The following CLPX variants were observed in gnomAD, a reference collection of about 807,000 sequenced individuals.
CLPX encodes caseinolytic mitochondrial matrix peptidase chaperone subunit X, also known as ATP-dependent clpX-like chaperone, mitochondrial.
A neutral mutation model predicts 76.4 loss-of-function variants in CLPX; 34 were observed. The ratio of observed to expected loss-of-function variants is 0.45; its 90% CI spans 0.34 to 0.59. The LOEUF is 0.59. Ranked by LOEUF, CLPX falls within the 20% of genes least tolerant of loss-of-function variation. The probability of loss-of-function intolerance (pLI) is 0.01; values close to 1 mark genes in which losing one functional copy is unlikely to be tolerated. For synonymous variants in CLPX, 248 were observed against 270.9 expected (o/e 0.92, Z 0.83); for missense variants, 613 against 757.0 (o/e 0.81, Z 2.23).
In CLPX at chr15:65,170,156, T is replaced by G. The variant is rs117889035; in HGVS notation, c.359-3371A>C. ...CCTCCCACCTCCCAAGTAGCTGGGT[T>G]TGGACATACATGCTTAACTCAGCCT... On this transcript the variant is annotated intron_variant, in intron 3 of 13. Transcript: ENST00000300107. Among the ~76,000 whole-genome samples the G allele has an allele frequency of 3.9e-5, 6 of 152,262 alleles. No individual in the cohort carries two copies. In the East Asian group the frequency reaches 9.6e-4, roughly 24 times the overall value.
intron 3 of CLPX, among the ~76,000 whole-genome samples, chr15:65,172,672 C>T (rs1052705321): frequency 1.3e-5 from 2 of 152,142 alleles, no homozygotes; most frequent in Non-Finnish European, 2.9e-5. Context: ...TAAATTGACA[C>T]TTCTCCAAAG....
intron 6 of CLPX, among the ~76,000 whole-genome samples, chr15:65,162,401 A>G (rs549553715): frequency 1.3e-5 from 2 of 152,310 alleles, no homozygotes; most frequent in Non-Finnish European, 2.9e-5. Flanking sequence ...AACCCAACAT[A>G]TGGAAACGAC....
At chr15:65,183,843 G>T (rs1303190637) in intron 1 of CLPX, among the ~76,000 whole-genome samples, 1 of 152,156 alleles carries the variant, frequency 6.6e-6, no homozygotes, top group Non-Finnish European at 1.5e-5. Context: ...CTAAAAGAAG[G>T]CCTGACACAC....
chr15:65,162,474 A>G (rs1401332731), intron 6 of CLPX, 130 bp downstream of exon 6: 2 of 585,636 alleles, frequency 3.4e-6, no homozygotes, highest in African/African-American at 1.9e-5. Flanking sequence ...ACACATTTAG[A>G]TAATACGTAT....
At position 65,148,223 on chromosome 15, in the gene CLPX, A is replaced by G. The variant is rs1440492573; in HGVS notation, c.*2600T>C. 1.3e-5 allele frequency: 2 copies of G among 152,224 alleles called. No homozygotes were observed. Among genetic ancestry groups the G allele is most frequent in the Non-Finnish European group, 2.9e-5 (2 of 68,040 alleles). 9.4% of individuals were successfully genotyped at this position (152,224 alleles called of 1,614,324 possible). A position where few individuals can be genotyped will look rare whatever the true frequency, so the allele number is the denominator to read the frequency against. ...TGGACACACCACCACGTTGGCTTTCATTTAGTCTTTTTGTTTTATTCAAAT... is the reference window on the plus strand; with the variant it reads ...TGGACACACCACCACGTTGGCTTTCGTTTAGTCTTTTTGTTTTATTCAAAT... On this transcript the variant is annotated 3_prime_UTR_variant, in exon 14 of 14. Transcript: ENST00000300107.
At chr15:65,157,364 T>A (rs544715683) in intron 8 of CLPX, among the ~76,000 whole-genome samples, 2 of 152,300 alleles carry the variant, frequency 1.3e-5, no homozygotes, top group Non-Finnish European at 2.9e-5. Context: ...CAACGCAGCA[T>A]CCATGACATC....
chr15:65,166,561 A>C, intron 4 of CLPX, 70 bp downstream of exon 4: 4 of 1,500,020 alleles, frequency 2.7e-6, no homozygotes, highest in Non-Finnish European at 3.7e-6. Flanking sequence ...TTCAGTGTAA[A>C]CTTGGGAGAG....
intron 7 of CLPX, 170 bp from the exon 8 acceptor site, chr15:65,158,080 C>G (rs1292236689): frequency 2.2e-5 from 12 of 544,744 alleles, no homozygotes; most frequent in Admixed American, 3.6e-5. Flanking sequence ...GTCACCCAGG[C>G]TGGAGTGCAG....
rs949697177 is a variant in CLPX at position 65,155,547 on chromosome 15, C to T, written c.1311+145G>A. 5.0e-5 allele frequency: 35 copies of T among 697,702 alleles called. No individual in the cohort carries two copies. In the African/African-American group the frequency reaches 6.1e-4, roughly 12 times the overall value. 43.2% of individuals were successfully genotyped at this position (697,702 alleles called of 1,614,324 possible). On this transcript the variant is annotated intron_variant, in intron 10 of 13. Transcript: ENST00000300107. ...ATAGGCATTGAGTCACCGCACCCTTCCCTGTATATTTCTGATATGCTCTAA... is the reference window on the plus strand; with the variant it reads ...ATAGGCATTGAGTCACCGCACCCTTTCCTGTATATTTCTGATATGCTCTAA...
At chr15:65,173,834 A>G (rs917766658) in intron 3 of CLPX, among the ~76,000 whole-genome samples, 4 of 152,226 alleles carry the variant, frequency 2.6e-5, no homozygotes, top group Non-Finnish European at 1.5e-5. Flanking sequence ...AAACCCATTG[A>G]TAGAGAAAGT....
chr15:65,169,531 C>G (rs2087969203), intron 3 of CLPX, among the ~76,000 whole-genome samples: 1 of 151,934 alleles, frequency 6.6e-6, no homozygotes, highest in South Asian at 2.1e-4. Context: ...CCAGCCTGGC[C>G]AACATGGTGA....
chr15:65,164,330 T>C (rs2087885753), intron 4 of CLPX, 142 bp from the exon 5 acceptor site: 3 of 598,896 alleles, frequency 5.0e-6, no homozygotes, highest in Admixed American at 6.6e-5. Context: ...CAATACATTA[T>C]ATAGCAATGA....
chr15:65,162,689 G>A, intron 5 of CLPX, 44 bp from the exon 6 acceptor site: 1 of 1,171,616 alleles, frequency 8.5e-7, no homozygotes, highest in Non-Finnish European at 1.3e-6. Context: ...TTACCTTGGG[G>A]GAACAAACAA....
intron 1 of CLPX, among the ~76,000 whole-genome samples, chr15:65,184,774 A>AT (rs1372847774): frequency 3.3e-5 from 5 of 152,368 alleles, no homozygotes; most frequent in African/African-American, 1.2e-4. Flanking sequence ...TAACAGGAGC[A>AT]TTTTGTGCCT....
At position 65,185,137 on chromosome 15, in the gene CLPX, G is replaced by A; in HGVS notation, c.17C>T (p.Ala6Val). The part of the protein sequence containing the change: MPSCG[A>V]CTCGAAAVRL... Reference sequence around the variant, plus strand: ...GACGGCCGCCGCGCCGCAAGTACAAGCACCGCAGCTGGGCATCTCCGCGAG... The same window carrying A: ...GACGGCCGCCGCGCCGCAAGTACAAACACCGCAGCTGGGCATCTCCGCGAG... Residue 6 changes from alanine (A) to valine (V), a missense_variant, in exon 1 of 14, where the codon GCT becomes GTT. Ala to Val is a moderately conservative substitution (Grantham distance 64). Coordinates refer to ENST00000300107, the MANE Select transcript of CLPX (RefSeq NM_006660.5). The A allele has an allele frequency of 2.5e-6, 4 of 1,573,970 alleles. No homozygotes were observed. The highest frequency in any genetic ancestry group is 2.3e-5 in the South Asian group (2 of 85,652).
chr15:65,171,338 T>C (rs899975355), intron 3 of CLPX, among the ~76,000 whole-genome samples: 3 of 150,752 alleles, frequency 2.0e-5, no homozygotes, highest in Non-Finnish European at 4.4e-5. Context: ...TCCTAGCAAC[T>C]GGGGAGGCTG....
intron 2 of CLPX, among the ~76,000 whole-genome samples, chr15:65,179,510 T>C (rs1595947764): frequency 6.6e-6 from 1 of 152,206 alleles, no homozygotes; most frequent in Non-Finnish European, 1.5e-5. Context: ...TCACATTTTG[T>C]CTAACATATA....
intron 4 of CLPX, among the ~76,000 whole-genome samples, chr15:65,165,541 G>A (rs2087900782): frequency 1.3e-5 from 2 of 151,708 alleles, no homozygotes; most frequent in East Asian, 1.9e-4. Flanking sequence ...CCGCCACCAC[G>A]CCGGGCTAAT....
chr15:65,153,721 T>C (rs2140611257), intron 11 of CLPX, 82 bp from the exon 12 acceptor site: 1 of 744,006 alleles, frequency 1.3e-6, no homozygotes. Context: ...GAGGGCACAA[T>C]TTCTCATGGT....
Sources: gnomAD v4.1 joint callset for allele counts (sites outside exome capture counted in the v4.1 genomes callset) on GRCh38, gnomAD v4.1.1 for gene constraint, MANE v1.5 for transcripts, NCBI Gene and HGNC (gene_info 2026-07-23, HGNC 2026-07-21) for gene names.